WDPCP: variants seen among roughly 807,000 people sequenced by gnomAD.
WDPCP encodes the protein WD repeat containing planar cell polarity effector.
Under a neutral mutation model 93.1 loss-of-function variants are expected in WDPCP, and 71 were observed. That is an observed-to-expected ratio of 0.76 (90% CI 0.63 to 0.93). The LOEUF is 0.93. Among genes scored for constraint, WDPCP ranks in the 40% least tolerant of loss-of-function variants. The probability of loss-of-function intolerance (pLI) is 0.00; values close to 1 mark genes in which losing one functional copy is unlikely to be tolerated. For missense variants in WDPCP, 844 were observed against 887.4 expected, an observed-to-expected ratio of 0.95 and a Z score of 0.62; for synonymous variants, 315 against 315.0, an observed-to-expected ratio of 1.00 and a Z score of 0.00.
chr2:63,525,433 A>T (rs1011115622), intron 1 of WDPCP, among the ~76,000 whole-genome samples: 1 of 152,142 alleles, frequency 6.6e-6, no homozygotes, highest in African/African-American at 2.4e-5. Flanking sequence ...AAGAATAAAA[A>T]GTCTCTTTCT....
intron 13 of WDPCP, among the ~76,000 whole-genome samples, chr2:63,309,439 T>TA (rs1243699681): frequency 2.0e-5 from 3 of 152,104 alleles, no homozygotes; most frequent in African/African-American, 7.2e-5. Context: ...CAGGATTGCA[T>TA]AAACCAAAGG....
chr2:63,418,855 C>T (rs1411869103), intron 9 of WDPCP, among the ~76,000 whole-genome samples: 2 of 152,162 alleles, frequency 1.3e-5, no homozygotes, highest in Non-Finnish European at 2.9e-5. Context: ...AGAAGAAAAG[C>T]ACAGAAACAC....
chr2:63,240,106 G>A (rs1423246012), intron 14 of WDPCP, among the ~76,000 whole-genome samples: 1 of 152,090 alleles, frequency 6.6e-6, no homozygotes, highest in Non-Finnish European at 1.5e-5. Context: ...CCCAAAAAGG[G>A]ACTGTTGAAG....
At chr2:63,797,010 GC>G (rs1670626737) in intron 2 of WDPCP, among the ~76,000 whole-genome samples, 1 of 152,136 alleles carries the variant, frequency 6.6e-6, no homozygotes, top group African/African-American at 2.4e-5. Context: ...TACCAGCTCA[GC>G]CACAGAAGGA....
intron 14 of WDPCP, among the ~76,000 whole-genome samples, chr2:63,179,487 C>T (rs1012310462): frequency 6.6e-6 from 1 of 151,976 alleles, no homozygotes; most frequent in African/African-American, 2.4e-5. Context: ...CCTCCCCCTT[C>T]TCTTTCTCCT....
At chr2:63,362,405 A>G (rs886664565) in intron 12 of WDPCP, among the ~76,000 whole-genome samples, 1 of 151,564 alleles carries the variant, frequency 6.6e-6, no homozygotes, top group Non-Finnish European at 1.5e-5. Flanking sequence ...TGACTAGAAA[A>G]TTTGTTATTA....
intron 2 of WDPCP, among the ~76,000 whole-genome samples, chr2:63,702,705 TTTTTTTTTTTTTTTAC>T (rs1669078588): frequency 1.1e-5 from 1 of 90,446 alleles, no homozygotes; most frequent in Non-Finnish European, 2.8e-5. Flanking sequence ...ATCCAGCTAA[TTTTTTTTTTTTTTTAC>T]TTTTTTTTTT....
At chr2:63,612,681 G>T (rs1251614206) in intron 3 of WDPCP, among the ~76,000 whole-genome samples, 1 of 151,992 alleles carries the variant, frequency 6.6e-6, no homozygotes, top group African/African-American at 2.4e-5. Context: ...CATCTAAATG[G>T]GCTGGTTTTT....
chr2:63,809,428 A>G (rs1478988840), intron 2 of WDPCP, among the ~76,000 whole-genome samples: 1 of 152,220 alleles, frequency 6.6e-6, no homozygotes, highest in Admixed American at 6.5e-5. Context: ...CAGCTCATTG[A>G]GAACGGGCCA....
chr2:63,148,160 A>G (rs1671652543), intron 17 of WDPCP, among the ~76,000 whole-genome samples: 1 of 152,024 alleles, frequency 6.6e-6, no homozygotes, highest in African/African-American at 2.4e-5. Context: ...GACTGGAGAT[A>G]CCAATTAATG....
intron 14 of WDPCP, among the ~76,000 whole-genome samples, chr2:63,244,067 C>A (rs1680076688): frequency 6.6e-6 from 1 of 151,966 alleles, no homozygotes; most frequent in Non-Finnish European, 1.5e-5. Context: ...AAATAGAAAT[C>A]AATATCAAAG....
Position 63,130,360 on chromosome 2 carries a change from A to C in WDPCP, c.2191-8304T>G, listed in dbSNP as rs978054302. On this transcript the variant is annotated intron_variant, in intron 17 of 17. Coordinates refer to ENST00000272321, the MANE Select transcript of WDPCP (RefSeq NM_015910.7). ...CCTGTTTTCCCAGCAATATTTGATG[A>C]AAAGACTGTCTTTTCCCCCATTAAA... Among the ~76,000 whole-genome samples the C allele has an allele frequency of 2.0e-5, 3 of 152,176 alleles. 1 individual carries two copies. The highest frequency in any genetic ancestry group is 4.4e-5 in the Non-Finnish European group (3 of 68,008).
At chr2:63,597,251 AT>A (rs1709331304) in intron 3 of WDPCP, 1 of 1,227,896 alleles carries the variant, frequency 8.1e-7, no homozygotes, top group African/African-American at 1.6e-5. Context: ...TTAATATATT[AT>A]CTTTCTCAGG....
intron 14 of WDPCP, among the ~76,000 whole-genome samples, chr2:63,201,624 C>T (rs950368248): frequency 2.0e-5 from 3 of 152,062 alleles, no homozygotes; most frequent in African/African-American, 7.2e-5. Context: ...CTGATTTTTA[C>T]AGGTTAGGTA....
intron 10 of WDPCP, among the ~76,000 whole-genome samples, chr2:63,395,558 G>A (rs1371066726): frequency 1.3e-5 from 2 of 152,114 alleles, no homozygotes; most frequent in Middle Eastern, 3.2e-3. Context: ...CAAAGGACAT[G>A]AACAAATATA....
chr2:63,720,415 T>TCAAAAAAAAA (rs1167952657), intron 2 of WDPCP, among the ~76,000 whole-genome samples: 21 of 145,202 alleles, frequency 1.4e-4, no homozygotes, highest in Non-Finnish European at 1.8e-4. Context: ...AGACTCTACC[T>TCAAAAAAAAA]TAAAAAAAAA....
intron 2 of WDPCP, among the ~76,000 whole-genome samples, chr2:63,663,414 A>T (rs1357694005): frequency 6.6e-6 from 1 of 152,242 alleles, no homozygotes; most frequent in Admixed American, 6.5e-5. Flanking sequence ...GACTAGATAC[A>T]GATAACTGGA....
At chr2:63,373,432 G>C (rs745347242) in intron 12 of WDPCP, among the ~76,000 whole-genome samples, 1 of 151,246 alleles carries the variant, frequency 6.6e-6, no homozygotes, top group African/African-American at 2.4e-5. Context: ...TTTAAAAAAC[G>C]TTTTGTAGAG....
At chr2:63,407,439 A>G (rs1694677552) in intron 9 of WDPCP, among the ~76,000 whole-genome samples, 1 of 152,114 alleles carries the variant, frequency 6.6e-6, no homozygotes, top group Non-Finnish European at 1.5e-5. Context: ...CAAAGGAGGG[A>G]CATGATCTGC....
Sources: allele counts gnomAD v4.1 joint callset (sites outside exome capture counted in the v4.1 genomes callset), GRCh38; gene constraint gnomAD v4.1.1; transcripts MANE v1.5; gene names NCBI Gene and HGNC (gene_info 2026-07-23, HGNC 2026-07-21).